The following HTR3B variants were observed in gnomAD, a reference collection of about 807,000 sequenced individuals.
HTR3B encodes the protein 5-hydroxytryptamine receptor 3B.
HTR3B carries 44 observed loss-of-function variants against 42.8 expected under a neutral mutation model. The observed-to-expected ratio is 1.03, with a 90% CI of 0.81 to 1.32. The LOEUF is 1.32. HTR3B is among the 40% of genes most tolerant of loss of function. HTR3B has a pLI of 0.00. For synonymous variants in HTR3B, 203 were observed against 209.0 expected (o/e 0.97, Z 0.25); for missense variants, 527 against 536.5 (o/e 0.98, Z 0.17).
Position 113,909,984 on chromosome 11 carries a change from CAAAAAAAAAAAAAAAA to C in HTR3B, c.213+540_213+555del, listed in dbSNP as rs1178070726. On this transcript the variant is annotated intron_variant, in intron 2 of 8. Transcript: ENST00000260191. ...GGGTAGCAGATCCAGACCTTGTCTC[CAAAAAAAAAAAAAAAA>C]AAAAAAAAAACTTGTGGTCATGGAT... Among the ~76,000 whole-genome samples the C allele has an allele frequency of 2.6e-4, 10 of 39,004 alleles. No individual in the cohort carries two copies. The South Asian group carries it at 8.8e-3, about 34-fold the overall frequency. The allele number at this position is 39,004 out of a possible 152,430, so 25.6% of individuals were successfully genotyped here. A position where few individuals can be genotyped will look rare whatever the true frequency, so the allele number is the denominator to read the frequency against.
upstream of HTR3B, among the ~76,000 whole-genome samples, chr11:113,901,192 A>G (rs1949695398): frequency 6.6e-6 from 1 of 152,172 alleles, no homozygotes; most frequent in African/African-American, 2.4e-5. Flanking sequence ...CTATATTCCT[A>G]GCTACTGGGG....
chr11:113,902,508 G>T (rs1359331621), upstream of HTR3B, among the ~76,000 whole-genome samples: 1 of 152,114 alleles, frequency 6.6e-6, no homozygotes, highest in Non-Finnish European at 1.5e-5. Flanking sequence ...TGTTGGCCAG[G>T]CTGGCCTTGA....
In HTR3B at chr11:113,926,816, A is replaced by G. The variant is rs369689782; in HGVS notation, c.214-4568A>G. On this transcript the variant is annotated intron_variant, in intron 2 of 8. Coordinates refer to ENST00000260191, the MANE Select transcript of HTR3B (RefSeq NM_006028.5). ...AGTGCTGGGATTACAGGCGTGAGCA[A>G]CCGAGCCCAGCCCAGACTGGTTTTC... Among the ~76,000 whole-genome samples the G allele has an allele frequency of 3.3e-5, 5 of 152,162 alleles. No homozygotes were observed. In the East Asian group the frequency reaches 5.8e-4, roughly 18 times the overall value.
intron 5 of HTR3B, among the ~76,000 whole-genome samples, 186 bp from the exon 6 acceptor site, chr11:113,932,750 T>A (rs116821765): frequency 3.5e-4 from 54 of 152,148 alleles, no homozygotes; most frequent in African/African-American, 1.3e-3. Flanking sequence ...AAATTCACAG[T>A]TGTTGTTTTT....
chr11:113,945,012 G>T (rs921912554), intron 8 of HTR3B, among the ~76,000 whole-genome samples: 1 of 151,922 alleles, frequency 6.6e-6, no homozygotes, highest in African/African-American at 2.4e-5. Flanking sequence ...GCCATGTTGC[G>T]CAGGCTGGTC....
rs1159696291 is a variant in HTR3B, at chr11:113,943,072, C to G, written c.787C>G (p.Leu263Val). ...GCTGGTGGACCTGGGGAGCTTCTACCTGCCACCCAACTGCCGAGCCAGGAT... is the reference window on the plus strand; with the variant it reads ...GCTGGTGGACCTGGGGAGCTTCTACGTGCCACCCAACTGCCGAGCCAGGAT... ...LMLVDLGSFY[L>V]PPNCRARIVF... Residue 263 changes from leucine to valine, a missense_variant, in exon 7 of 9, where the codon CTG (leucine) becomes GTG (valine). Transcript: ENST00000260191. 1 of 1,614,114 alleles carries G rather than the reference C, an allele frequency of 6.2e-7. No homozygotes were observed. Among genetic ancestry groups the G allele is most frequent in the South Asian group, 1.1e-5 (1 of 91,076 alleles).
At chr11:113,932,525 CT>C in intron 5 of HTR3B, 67 bp downstream of exon 5, 1 of 1,246,636 alleles carries the variant, frequency 8.0e-7, no homozygotes, top group South Asian at 1.3e-5. Flanking sequence ...TTATACTATC[CT>C]TCAGGTCTAT....
chr11:113,918,657 T>C (rs1591574442), intron 2 of HTR3B, among the ~76,000 whole-genome samples: 2 of 140,672 alleles, frequency 1.4e-5, no homozygotes, highest in South Asian at 2.4e-4. Context: ...TATGACAATC[T>C]ATGCATTTTT....
intron 2 of HTR3B, among the ~76,000 whole-genome samples, chr11:113,928,337 CTG>C (rs1485883532): frequency 1.3e-5 from 2 of 152,098 alleles, no homozygotes; most frequent in East Asian, 1.9e-4. Flanking sequence ...ACAGTGAAAA[CTG>C]AAACTGTTTA....
chr11:113,901,867 A>G (rs3891484), upstream of HTR3B, among the ~76,000 whole-genome samples: 22,635 of 152,228 alleles, frequency 0.15, 1,769 homozygotes, highest in South Asian at 0.27. Context: ...CATCGCCTCA[A>G]TTAAACCTTT....
chr11:113,932,707 C>T (rs1950048956), intron 5 of HTR3B, among the ~76,000 whole-genome samples: 1 of 152,164 alleles, frequency 6.6e-6, no homozygotes. Flanking sequence ...CAGGCAAGCT[C>T]CATCATTCTA....
At chr11:113,927,146 A>G (rs949867281) in intron 2 of HTR3B, among the ~76,000 whole-genome samples, 5 of 152,102 alleles carry the variant, frequency 3.3e-5, no homozygotes, top group Admixed American at 2.6e-4. Flanking sequence ...TATCATCTTG[A>G]CCTTTTTTAA....
At chr11:113,943,814 A>AG (rs1429120115) in intron 7 of HTR3B, among the ~76,000 whole-genome samples, 5 of 149,106 alleles carry the variant, frequency 3.4e-5, no homozygotes, top group Non-Finnish European at 5.9e-5. Flanking sequence ...ACGGAAGGGA[A>AG]GGGGAGGGGA....
At chr11:113,930,935 T>C (rs541536613) in intron 2 of HTR3B, among the ~76,000 whole-genome samples, 1 of 152,158 alleles carries the variant, frequency 6.6e-6, no homozygotes, top group Non-Finnish European at 1.5e-5. Context: ...AGCAGAGAAA[T>C]CCAAACATAC....
Position 113,945,971 on chromosome 11 carries a change from C to T in HTR3B, c.1160C>T (p.Ser387Phe). Reference sequence around the variant, plus strand: ...AAGGAAGTCTGGTCGCAGCTTCAATCTATCAGCAACTACCTCCAAACTCAG... The same window carrying T: ...AAGGAAGTCTGGTCGCAGCTTCAATTTATCAGCAACTACCTCCAAACTCAG... ...TLKEVWSQLQ[S>F]ISNYLQTQDQ... is the part of the protein sequence containing the mutation. The change falls in exon 9 of 9, where the codon TCT becomes TTT. Residue 387 changes from serine to phenylalanine, a missense_variant. Physicochemically the swap from Ser to Phe is radical, Grantham distance 155. Coordinates refer to ENST00000260191, the MANE Select transcript of HTR3B (RefSeq NM_006028.5). The T allele has an allele frequency of 1.9e-6, 3 of 1,614,190 alleles. No individual in the cohort carries two copies. Among genetic ancestry groups the T allele is most frequent in the African/African-American group, 1.3e-5 (1 of 75,056 alleles).
At position 113,945,941 on chromosome 11, in the gene HTR3B, C is replaced by T. The variant is rs1950173459; in HGVS notation, c.1130C>T (p.Thr377Ile). Residue 377 changes from threonine to isoleucine, a missense_variant, in exon 9 of 9, where the codon ACC becomes ATC. Physicochemically the swap from Thr to Ile is moderately conservative, Grantham distance 89. Transcript: ENST00000260191. The stretch of plus-strand genomic sequence containing the variant: ...GGAGAGCACCTGGCCCAGCCAGGAA[C>T]CCTGAAGGAAGTCTGGTCGCAGCTT... ...LYGEHLAQPG[T>I]LKEVWSQLQS... 1 of 1,614,174 alleles carries T rather than the reference C, an allele frequency of 6.2e-7. No individual in the cohort carries two copies. The highest frequency in any genetic ancestry group is 1.1e-5 in the South Asian group (1 of 91,084).
intron 6 of HTR3B, among the ~76,000 whole-genome samples, chr11:113,933,610 G>T (rs1034237880): frequency 3.3e-5 from 5 of 152,044 alleles, no homozygotes; most frequent in Non-Finnish European, 2.9e-5. Context: ...GTAGCTTCTG[G>T]ATCAGAGGGA....
At chr11:113,913,009 A>G (rs1949812211) in intron 2 of HTR3B, among the ~76,000 whole-genome samples, 1 of 148,982 alleles carries the variant, frequency 6.7e-6, no homozygotes, top group East Asian at 1.9e-4. Flanking sequence ...TCATTATTAT[A>G]ATATAATAAC....
chr11:113,911,662 G>A (rs1300070922), intron 2 of HTR3B, among the ~76,000 whole-genome samples: 1 of 152,008 alleles, frequency 6.6e-6, no homozygotes, highest in South Asian at 2.1e-4. Context: ...GAGTAGCTAG[G>A]ATTACAGGTG....
Sources: allele counts gnomAD v4.1 joint callset (sites outside exome capture counted in the v4.1 genomes callset), GRCh38; gene constraint gnomAD v4.1.1; transcripts MANE v1.5; gene names NCBI Gene and HGNC (gene_info 2026-07-23, HGNC 2026-07-21).